TTC28: variants seen among roughly 807,000 people sequenced by gnomAD.
The protein encoded by TTC28 is tetratricopeptide repeat protein 28.
In TTC28, 61 loss-of-function variants were observed where a neutral mutation model predicts 198.0. The observed-to-expected ratio is 0.31, with a 90% CI of 0.25 to 0.38. The LOEUF (loss-of-function observed/expected upper bound fraction) is 0.38. Among genes scored for constraint, TTC28 ranks in the 10% least tolerant of loss-of-function variants. The pLI is 1.00. For missense variants in TTC28, 2,678 were observed against 3,164.0 expected (o/e 0.85, Z 3.69); for synonymous variants, 1,171 against 1,297.8 (o/e 0.90, Z 2.10).
chr22:28,358,441 G>A (rs1205185059), intron 2 of TTC28, among the ~76,000 whole-genome samples: 2 of 152,114 alleles, frequency 1.3e-5, no homozygotes, highest in East Asian at 3.9e-4. Context: ...GAAGTCTGTG[G>A]GTTTACAATT....
intron 12 of TTC28, among the ~76,000 whole-genome samples, chr22:28,036,732 T>C (rs1254814543): frequency 2.0e-5 from 3 of 152,124 alleles, no homozygotes; most frequent in Admixed American, 6.5e-5. Flanking sequence ...ATCCAGGAGC[T>C]GGTTTTTTGG....
At chr22:28,288,060 T>G (rs995347047) in intron 5 of TTC28, among the ~76,000 whole-genome samples, 1 of 152,146 alleles carries the variant, frequency 6.6e-6, no homozygotes, top group Non-Finnish European at 1.5e-5. Context: ...TATGACTAAT[T>G]TAAATAATTA....
chr22:28,610,661 T>C (rs2050804909), intron 2 of TTC28, among the ~76,000 whole-genome samples: 1 of 151,998 alleles, frequency 6.6e-6, no homozygotes, highest in Non-Finnish European at 1.5e-5. Context: ...GAACGCCTCT[T>C]CTCCTCCAAA....
intron 2 of TTC28, among the ~76,000 whole-genome samples, chr22:28,382,783 A>G (rs1185786410): frequency 6.6e-6 from 1 of 152,210 alleles, no homozygotes; most frequent in Admixed American, 6.5e-5. Context: ...AGGGACATTT[A>G]CAATTATAAA....
intron 2 of TTC28, among the ~76,000 whole-genome samples, chr22:28,608,243 T>A (rs1013824817): frequency 2.6e-5 from 4 of 152,188 alleles, no homozygotes; most frequent in African/African-American, 9.7e-5. Context: ...AAAATGGGTA[T>A]GAAAACCAAA....
At chr22:28,677,244 A>C (rs2052012158) in intron 1 of TTC28, among the ~76,000 whole-genome samples, 2 of 150,394 alleles carry the variant, frequency 1.3e-5, no homozygotes, top group Non-Finnish European at 3.0e-5. Context: ...AAATGAAACC[A>C]ATAAAATAAA....
rs1365928263 is a variant in TTC28, at chr22:27,978,295, C to A, written c.*3926G>T. 6.6e-6 allele frequency: 1 copy of A among 152,168 alleles called. No homozygotes were observed. Among genetic ancestry groups the A allele is most frequent in the Non-Finnish European group, 1.5e-5 (1 of 68,046 alleles). The allele number at this position is 152,168 out of a possible 1,614,324, so 9.4% of individuals were successfully genotyped here. On this transcript the variant is annotated 3_prime_UTR_variant, in exon 23 of 23. Coordinates refer to ENST00000397906, the MANE Select transcript of TTC28 (RefSeq NM_001145418.2). ...CAGGGAACATCTTTGAAGGATCTGGCACAAACAAGGGCCCAGTTCACAAAC... is the reference window on the plus strand; with the variant it reads ...CAGGGAACATCTTTGAAGGATCTGGAACAAACAAGGGCCCAGTTCACAAAC...
chr22:28,389,254 T>C (rs1000058074), intron 2 of TTC28, among the ~76,000 whole-genome samples: 42 of 152,196 alleles, frequency 2.8e-4, no homozygotes, highest in African/African-American at 9.9e-4. Flanking sequence ...CAGTATTTTA[T>C]TGAGGATTTT....
At chr22:28,335,983 G>C (rs922985636) in intron 2 of TTC28, among the ~76,000 whole-genome samples, 1 of 152,116 alleles carries the variant, frequency 6.6e-6, no homozygotes, top group Non-Finnish European at 1.5e-5. Context: ...GTTTGTCATA[G>C]ATAGCTCTTA....
intron 2 of TTC28, among the ~76,000 whole-genome samples, chr22:28,351,743 T>G (rs2045999316): frequency 6.6e-6 from 1 of 152,324 alleles, no homozygotes; most frequent in Admixed American, 6.5e-5. Flanking sequence ...AAAGTAGCTC[T>G]GGAAGTCAAG....
In TTC28 at chr22:28,465,986, A is replaced by G. The variant is rs188117395; in HGVS notation, c.382-159343T>C. On this transcript the variant is annotated intron_variant, in intron 2 of 22. Coordinates refer to ENST00000397906, the MANE Select transcript of TTC28 (RefSeq NM_001145418.2). ...CACTTGATACTTCTGCTTATATCCC[A>G]CTGACCAGAATTTCATTTTATTCCT... Among the ~76,000 whole-genome samples, 352 of 152,320 alleles carry G rather than the reference A, an allele frequency of 2.3e-3. 1 individual carries two copies. Among genetic ancestry groups the G allele is most frequent in the Admixed American group, 4.3e-3 (66 of 15,302 alleles).
In TTC28 at chr22:28,127,805, G is replaced by A. The variant is rs1342709608; in HGVS notation, c.1442-19402C>T. Among the ~76,000 whole-genome samples, 2 of 151,782 alleles carry A rather than the reference G, an allele frequency of 1.3e-5. 1 individual carries two copies. The highest frequency in any genetic ancestry group is 2.9e-5 in the Non-Finnish European group (2 of 67,976). On this transcript the variant is annotated intron_variant, in intron 6 of 22. Transcript: ENST00000397906. ...AGTGATGTGATTATGGCCCACTGAA[G>A]CCTCAATCTCCAAGACTCAAGTGAT...
intron 2 of TTC28, among the ~76,000 whole-genome samples, chr22:28,418,174 A>C (rs1018601370): frequency 3.3e-5 from 5 of 152,178 alleles, no homozygotes; most frequent in Admixed American, 6.5e-5. Context: ...TATGTAACCA[A>C]GGAGGAAAGT....
At chr22:28,534,440 T>C (rs1304954811) in intron 2 of TTC28, among the ~76,000 whole-genome samples, 5 of 152,104 alleles carry the variant, frequency 3.3e-5, no homozygotes, top group East Asian at 1.9e-4. Context: ...TGTGGAGAAA[T>C]AGGAACACTT....
Position 28,096,224 on chromosome 22 carries a change from G to T in TTC28, c.3732C>A (p.Gly1244=). 6.4e-7 allele frequency: 1 copy of T among 1,550,944 alleles called. No homozygotes were observed. The highest frequency in any genetic ancestry group is 8.7e-7 in the Non-Finnish European group (1 of 1,146,486). ...GAGCCAGCAGCCAGCTATACAGATA[G>T]CCTGCAGCCAGGGAATAGTAAAGCA... ...GLVLYYSLAA[G]YLYSWLLAPG... is the part of the protein sequence containing the mutation. Residue 1244 remains glycine (G), a synonymous_variant, in exon 11 of 23, where the codon GGC becomes GGA. Transcript: ENST00000397906.
At chr22:28,430,036 A>ATTTTTTTTTTTTTTTTTTTT (rs919396993) in intron 2 of TTC28, among the ~76,000 whole-genome samples, 3 of 109,994 alleles carry the variant, frequency 2.7e-5, no homozygotes, top group African/African-American at 3.4e-5. Flanking sequence ...CTGGAATATG[A>ATTTTTTTTTTTTTTTTTTTT]TTTTTTTTTT....
intron 2 of TTC28, among the ~76,000 whole-genome samples, chr22:28,382,035 A>G (rs915895523): frequency 1.3e-5 from 2 of 152,130 alleles, no homozygotes; most frequent in Non-Finnish European, 2.9e-5. Flanking sequence ...CAGATTTACA[A>G]CTAAAAGACA....
intron 6 of TTC28, among the ~76,000 whole-genome samples, chr22:28,151,474 A>C (rs1012153908): frequency 1.3e-5 from 2 of 152,202 alleles, no homozygotes; most frequent in Non-Finnish European, 2.9e-5. Flanking sequence ...TCCTCTGCTC[A>C]CATGTTTACA....
At chr22:28,125,023 A>G (rs76472294) in intron 6 of TTC28, among the ~76,000 whole-genome samples, 3,274 of 152,314 alleles carry the variant, frequency 0.021, 55 homozygotes, top group Middle Eastern at 0.037. Context: ...TGCATACCCT[A>G]GAAAAATAAT....
Sources: gnomAD v4.1 joint callset for allele counts (sites outside exome capture counted in the v4.1 genomes callset) on GRCh38, gnomAD v4.1.1 for gene constraint, MANE v1.5 for transcripts, NCBI Gene and HGNC (gene_info 2026-07-23, HGNC 2026-07-21) for gene names.